Variants in TSPAN9 observed in about 807,000 individuals in gnomAD.
TSPAN9 encodes tetraspanin-9.
A neutral mutation model predicts 31.0 loss-of-function variants in TSPAN9; 16 were observed. The observed-to-expected ratio is 0.52, with a 90% CI of 0.35 to 0.78. The LOEUF (loss-of-function observed/expected upper bound fraction) is 0.78, where lower values mean the gene tolerates loss of function less well. Ranked by LOEUF, TSPAN9 falls within the 30% of genes least tolerant of loss-of-function variation. The pLI is 0.01. For missense variants in TSPAN9, 272 were observed against 312.5 expected, an observed-to-expected ratio of 0.87 and a Z score of 0.98; for synonymous variants, 145 against 121.6, an observed-to-expected ratio of 1.19 and a Z score of -1.27.
chr12:3,221,639 G>A (rs994146607), intron 3 of TSPAN9, among the ~76,000 whole-genome samples: 2 of 151,928 alleles, frequency 1.3e-5, no homozygotes, highest in South Asian at 2.1e-4. Flanking sequence ...GATTATAGGC[G>A]TGAGCCACCG....
At chr12:3,183,353 G>A (rs960236112) in intron 2 of TSPAN9, among the ~76,000 whole-genome samples, 3 of 152,196 alleles carry the variant, frequency 2.0e-5, no homozygotes, top group Non-Finnish European at 1.5e-5. Context: ...CGCAGCTGGC[G>A]TGACTTCCAG....
At chr12:3,079,266 A>C (rs2098296644) in intron 1 of TSPAN9, among the ~76,000 whole-genome samples, 1 of 152,134 alleles carries the variant, frequency 6.6e-6, no homozygotes, top group Admixed American at 6.5e-5. Flanking sequence ...GGCGTGAGCC[A>C]CCGCATTGGC....
chr12:3,142,057 G>A (rs1341403385), intron 2 of TSPAN9, among the ~76,000 whole-genome samples: 2 of 152,214 alleles, frequency 1.3e-5, no homozygotes, highest in African/African-American at 4.8e-5. Flanking sequence ...GGTGCTCACA[G>A]GAATCCTGTG....
At chr12:3,228,015 A>G (rs945532715) in intron 3 of TSPAN9, among the ~76,000 whole-genome samples, 1 of 152,178 alleles carries the variant, frequency 6.6e-6, no homozygotes, top group East Asian at 1.9e-4. Context: ...TTGAGCAATT[A>G]CTATGTACCA....
chr12:3,109,187 T>G (rs150269838), intron 2 of TSPAN9, among the ~76,000 whole-genome samples: 9 of 150,956 alleles, frequency 6.0e-5, no homozygotes, highest in Non-Finnish European at 1.3e-4. Context: ...CCGCCCGCCT[T>G]GGCCTCCCAG....
At chr12:3,266,175 C>T (rs1415219012) in intron 3 of TSPAN9, among the ~76,000 whole-genome samples, 1 of 152,220 alleles carries the variant, frequency 6.6e-6, no homozygotes, top group Non-Finnish European at 1.5e-5. Flanking sequence ...CTGGGTGACA[C>T]TCTTTCTGGC....
intron 2 of TSPAN9, chr12:3,174,082 T>G (rs1174298110): frequency 1.3e-5 from 2 of 152,394 alleles, no homozygotes; most frequent in African/African-American, 4.8e-5. Flanking sequence ...CTCATTTGTT[T>G]GTTTGTTTTT....
rs560648940 is a variant in TSPAN9, at chr12:3,122,860, G to A, written c.-18+39141G>A. On this transcript the variant is annotated intron_variant, in intron 2 of 8. Transcript: ENST00000011898. ...CTATTTACTGGCAGGTTGAAAGCAG[G>A]TGACCCCGCCTCCTTGCCCCTAGGA... Among the ~76,000 whole-genome samples, 3 of 152,318 alleles carry A rather than the reference G, an allele frequency of 2.0e-5. No homozygotes were observed. In the South Asian group the frequency reaches 6.2e-4, roughly 32 times the overall value.
At chr12:3,188,277 G>A (rs957996068) in intron 2 of TSPAN9, among the ~76,000 whole-genome samples, 4 of 152,206 alleles carry the variant, frequency 2.6e-5, no homozygotes, top group East Asian at 1.9e-4. Flanking sequence ...CCTGCACTCA[G>A]GGAGCTGTCA....
At chr12:3,268,317 CCT>C (rs1216060021) in intron 3 of TSPAN9, among the ~76,000 whole-genome samples, 2 of 133,328 alleles carry the variant, frequency 1.5e-5, no homozygotes, top group Non-Finnish European at 3.2e-5. Flanking sequence ...TGCAGCCTGC[CCT>C]CTCTGTGTTC....
chr12:3,141,673 C>G (rs1308948268), intron 2 of TSPAN9, among the ~76,000 whole-genome samples: 1 of 152,154 alleles, frequency 6.6e-6, no homozygotes, highest in Admixed American at 6.5e-5. Flanking sequence ...ATGGTGGCAC[C>G]CCAGAGGCTG....
chr12:3,231,727 G>T (rs921440629), intron 3 of TSPAN9, among the ~76,000 whole-genome samples: 1 of 152,282 alleles, frequency 6.6e-6, no homozygotes, highest in Admixed American at 6.5e-5. Flanking sequence ...GCCTTCAGAT[G>T]ATCTCCCGGC....
chr12:3,142,168 C>T (rs1302094341), intron 2 of TSPAN9, among the ~76,000 whole-genome samples: 1 of 152,174 alleles, frequency 6.6e-6, no homozygotes, highest in Non-Finnish European at 1.5e-5. Flanking sequence ...TGCCTGACTG[C>T]TGCTGGGGTG....
At chr12:3,157,253 C>A (rs958390181) in intron 2 of TSPAN9, among the ~76,000 whole-genome samples, 1 of 152,138 alleles carries the variant, frequency 6.6e-6, no homozygotes, top group Non-Finnish European at 1.5e-5. Context: ...GTGCCCGCCA[C>A]CATGCCCGGC....
chr12:3,095,296 C>T (rs1357427366), intron 2 of TSPAN9, among the ~76,000 whole-genome samples: 4 of 147,228 alleles, frequency 2.7e-5, no homozygotes, highest in Non-Finnish European at 6.0e-5. Context: ...GGCAACCATC[C>T]GATTTCTCAA....
At chr12:3,186,104 G>C (rs2098361172) in intron 2 of TSPAN9, among the ~76,000 whole-genome samples, 1 of 152,172 alleles carries the variant, frequency 6.6e-6, no homozygotes, top group Non-Finnish European at 1.5e-5. Flanking sequence ...CAAGAACGCA[G>C]GTATCCTGAG....
intron 3 of TSPAN9, among the ~76,000 whole-genome samples, chr12:3,248,932 C>T (rs910267591): frequency 4.6e-5 from 7 of 152,228 alleles, no homozygotes; most frequent in Non-Finnish European, 8.8e-5. Context: ...CTGTCTGCCC[C>T]CCTCCGTACC....
Position 3,270,295 on chromosome 12 carries a change from C to T in TSPAN9, c.64-8126C>T, listed in dbSNP as rs1388992761. Reference sequence around the variant, plus strand: ...TGGAGGTGCGGGAGGTGACCTGCATCGTCCTGTAGCCTTTCTCCCAGAAAG... The same window carrying T: ...TGGAGGTGCGGGAGGTGACCTGCATTGTCCTGTAGCCTTTCTCCCAGAAAG... On this transcript the variant is annotated intron_variant, in intron 3 of 8. Coordinates refer to ENST00000011898, the MANE Select transcript of TSPAN9 (RefSeq NM_006675.5). 3.9e-5 allele frequency among the ~76,000 whole-genome samples: 6 copies of T among 152,120 alleles called. No individual in the cohort carries two copies. The East Asian group carries it at 5.8e-4, about 15-fold the overall frequency.
Position 3,280,597 on chromosome 12 carries a change from C to A in TSPAN9, c.432+114C>A. 1 of 993,982 alleles carries A rather than the reference C, an allele frequency of 1.0e-6. No individual in the cohort carries two copies. Among genetic ancestry groups the A allele is most frequent in the East Asian group, 2.6e-5 (1 of 38,316 alleles). The allele number at this position is 993,982 out of a possible 1,614,324, so 61.6% of individuals were successfully genotyped here. A position where few individuals can be genotyped will look rare whatever the true frequency, so the allele number is the denominator to read the frequency against. On this transcript the variant is annotated intron_variant, in intron 6 of 8. Coordinates refer to ENST00000011898, the MANE Select transcript of TSPAN9 (RefSeq NM_006675.5). This position sits in a 1 kb window ranked among gnomAD's most constrained non-coding sequence, Gnocchi z 4.5. The stretch of plus-strand genomic sequence containing the variant: ...GCACCTGTGCTTTCTGGATTTTAGC[C>A]GGGAGTGGAGTGGTACCCACGGGGG...
Sources: allele counts gnomAD v4.1 joint callset (sites outside exome capture counted in the v4.1 genomes callset), GRCh38; gene constraint gnomAD v4.1.1; non-coding constraint Gnocchi (gnomAD v3.1); transcripts MANE v1.5; gene names NCBI Gene and HGNC (gene_info 2026-07-23, HGNC 2026-07-21).